Variants in SOX5 observed in about 807,000 individuals in gnomAD.
SOX5 encodes SRY-box transcription factor 5, also known as transcription factor SOX-5.
A neutral mutation model predicts 92.0 loss-of-function variants in SOX5; 9 were observed. The ratio of observed to expected loss-of-function variants is 0.10; its 90% confidence interval spans 0.06 to 0.17. SOX5 has a LOEUF of 0.17. Among genes scored for constraint, SOX5 ranks in the 10% least tolerant of loss-of-function variants. SOX5 has a pLI of 1.00. For synonymous variants in SOX5, 344 were observed against 336.3 expected (o/e 1.02, Z -0.25); for missense variants, 642 against 944.5 (o/e 0.68, Z 4.20).
intron 2 of SOX5, among the ~76,000 whole-genome samples, chr12:24,331,645 C>T (rs113676489): frequency 0.013 from 1,935 of 151,714 alleles, 52 homozygotes; most frequent in African/African-American, 0.045. Context: ...GTCAGGAAAT[C>T]GAGACCATCC....
At chr12:23,617,529 C>T (rs978115384) in intron 8 of SOX5, among the ~76,000 whole-genome samples, 2 of 152,104 alleles carry the variant, frequency 1.3e-5, no homozygotes, top group Non-Finnish European at 2.9e-5. Flanking sequence ...CAGTCTTACT[C>T]AGTGTGATAC....
At chr12:23,691,550 T>A (rs922901206) in intron 6 of SOX5, among the ~76,000 whole-genome samples, 1 of 152,198 alleles carries the variant, frequency 6.6e-6, no homozygotes, top group Non-Finnish European at 1.5e-5. Flanking sequence ...AGTCAATTTA[T>A]TTAATGATTA....
intron 8 of SOX5, among the ~76,000 whole-genome samples, chr12:23,630,197 G>A (rs2078351286): frequency 6.6e-6 from 1 of 151,906 alleles, no homozygotes; most frequent in Non-Finnish European, 1.5e-5. Flanking sequence ...GTTAGAGGCA[G>A]CACATAGAAA....
intron 4 of SOX5, among the ~76,000 whole-genome samples, chr12:24,120,920 T>C (rs1418855519): frequency 6.6e-6 from 1 of 152,178 alleles, no homozygotes; most frequent in Non-Finnish European, 1.5e-5. Flanking sequence ...ACTCAATAAA[T>C]GAGAAAAATT....
chr12:23,912,531 T>TAGTG (rs2097362717), intron 1 of SOX5, among the ~76,000 whole-genome samples: 1 of 152,182 alleles, frequency 6.6e-6, no homozygotes, highest in South Asian at 2.1e-4. Context: ...CAAAAGCTTG[T>TAGTG]ACCCAAAGGT....
chr12:24,131,780 G>A (rs553768725), intron 4 of SOX5, among the ~76,000 whole-genome samples: 13 of 152,304 alleles, frequency 8.5e-5, no homozygotes, highest in African/African-American at 2.6e-4. Flanking sequence ...GCAAAAAAGA[G>A]AGGGAGAAAA....
intron 4 of SOX5, among the ~76,000 whole-genome samples, chr12:23,745,650 C>T (rs1274392966): frequency 6.6e-6 from 1 of 152,290 alleles, no homozygotes; most frequent in South Asian, 2.1e-4. Context: ...CTTGCCTGGG[C>T]CAGTCTCTCC....
chr12:24,378,016 C>T (rs11047406), intron 1 of SOX5, among the ~76,000 whole-genome samples: 5,990 of 152,306 alleles, frequency 0.039, 142 homozygotes, highest in African/African-American at 0.055. Context: ...CTCGCCTAAG[C>T]ACACCATGGA....
At chr12:23,615,403 A>C (rs1185841025) in intron 8 of SOX5, among the ~76,000 whole-genome samples, 1 of 152,032 alleles carries the variant, frequency 6.6e-6, no homozygotes, top group Non-Finnish European at 1.5e-5. Flanking sequence ...TATACAGGTA[A>C]ACTTGTGTCA....
intron 13 of SOX5, among the ~76,000 whole-genome samples, 191 bp downstream of exon 13, chr12:23,543,020 A>C (rs1942417158): frequency 6.6e-6 from 1 of 152,192 alleles, no homozygotes; most frequent in South Asian, 2.1e-4. Context: ...TGAGCTATAG[A>C]AATATGGCAT....
At chr12:24,460,602 T>G (rs1943515380) in intron 1 of SOX5, 1 of 152,232 alleles carries the variant, frequency 6.6e-6, no homozygotes, top group East Asian at 1.9e-4. Flanking sequence ...TTACTCAGTT[T>G]AGAAATCTCC....
chr12:23,708,764 G>A lies in SOX5; in HGVS notation c.810+25920C>T, dbSNP rs557680941. ...CAACGTTATAGAAAACAAAATGTGC[G>A]GTGGAAGGCATCAAAAATGAACTCA... On this transcript the variant is annotated intron_variant, in intron 6 of 14. Coordinates refer to ENST00000451604, the MANE Select transcript of SOX5 (RefSeq NM_006940.6). 3.8e-4 allele frequency among the ~76,000 whole-genome samples: 58 copies of A among 152,262 alleles called. 2 individuals are homozygous for A. The South Asian group carries it at 0.01, about 27-fold the overall frequency.
chr12:23,699,811 C>A (rs938710796), intron 6 of SOX5, among the ~76,000 whole-genome samples: 4 of 152,052 alleles, frequency 2.6e-5, no homozygotes, highest in Admixed American at 2.6e-4. Context: ...AACTTGAACA[C>A]CTATTGTGAT....
At chr12:24,082,399 GAAAAGAAAAAAAAAA>G (rs1943454100) in intron 4 of SOX5, among the ~76,000 whole-genome samples, 4 of 23,648 alleles carry the variant, frequency 1.7e-4, no homozygotes, top group Admixed American at 8.0e-4. Context: ...TGCTCCTTTC[GAAAAGAAAAAAAAAA>G]AAAAAAAAAA....
chr12:23,833,975 A>G (rs969077932), intron 3 of SOX5, among the ~76,000 whole-genome samples: 1 of 151,970 alleles, frequency 6.6e-6, no homozygotes, highest in African/African-American at 2.4e-5. Context: ...GCACCTCCAA[A>G]GTCCCCAAGT....
Position 23,897,292 on chromosome 12 carries a change from G to A in SOX5, c.39-1268C>T, listed in dbSNP as rs1595468494. Among the ~76,000 whole-genome samples the A allele has an allele frequency of 2.6e-5, 4 of 152,116 alleles. No individual in the cohort carries two copies. The East Asian group carries it at 7.7e-4, about 29-fold the overall frequency. ...TCATTGATGAATAATGTTATTTTTA[G>A]TGTTATAAGTTTCAAAAGAAAACAT... On this transcript the variant is annotated intron_variant, in intron 1 of 14. Transcript: ENST00000451604.
intron 2 of SOX5, among the ~76,000 whole-genome samples, chr12:24,348,406 G>A (rs1953619350): frequency 1.2e-5 from 1 of 85,938 alleles, no homozygotes; most frequent in African/African-American, 3.9e-5. Flanking sequence ...TTGTTGAGAT[G>A]GAGGCTCACT....
chr12:24,023,194 T>C (rs1488584108), intron 4 of SOX5, among the ~76,000 whole-genome samples: 2 of 152,114 alleles, frequency 1.3e-5, no homozygotes, highest in Non-Finnish European at 2.9e-5. Flanking sequence ...AACTATCAAA[T>C]AATGAGCACA....
intron 1 of SOX5, among the ~76,000 whole-genome samples, chr12:24,395,713 A>G (rs1490810709): frequency 6.6e-6 from 1 of 152,258 alleles, no homozygotes; most frequent in Non-Finnish European, 1.5e-5. Context: ...CTAGGGTGCT[A>G]GAAATAAATA....
Sources: gnomAD v4.1 joint callset for allele counts (sites outside exome capture counted in the v4.1 genomes callset) on GRCh38, gnomAD v4.1.1 for gene constraint, MANE v1.5 for transcripts, NCBI Gene and HGNC (gene_info 2026-07-23, HGNC 2026-07-21) for gene names.